The following CELF4 variants were observed in gnomAD, a reference collection of about 807,000 sequenced individuals.
The protein encoded by CELF4 is CUGBP Elav-like family member 4.
A neutral mutation model predicts 59.9 loss-of-function variants in CELF4; 18 were observed. The ratio of observed to expected loss-of-function variants is 0.30; its 90% CI spans 0.21 to 0.45. The LOEUF (loss-of-function observed/expected upper bound fraction) is 0.45, where lower values mean the gene tolerates loss of function less well. Among genes scored for constraint, CELF4 ranks in the 20% least tolerant of loss-of-function variants. The pLI is 1.00. For synonymous variants in CELF4, 261 were observed against 267.1 expected (o/e 0.98, Z 0.22); for missense variants, 456 against 689.0 (o/e 0.66, Z 3.79).
intron 2 of CELF4, among the ~76,000 whole-genome samples, chr18:37,444,650 A>ACACACACACACACG (rs1223382369): frequency 7.3e-6 from 1 of 136,502 alleles, no homozygotes; most frequent in African/African-American, 2.7e-5. Flanking sequence ...ACACACACAC[A>ACACACACACACACG]CACGCGAACG....
intron 1 of CELF4, among the ~76,000 whole-genome samples, chr18:37,558,412 G>C (rs2099985511): frequency 7.0e-6 from 1 of 142,940 alleles, no homozygotes; most frequent in East Asian, 2.1e-4. Context: ...CCCTGTCCTG[G>C]TACCTTTAAC....
chr18:37,423,064 G>GCGCGCACACA (rs1557422716), intron 2 of CELF4, among the ~76,000 whole-genome samples: 13 of 150,414 alleles, frequency 8.6e-5, no homozygotes, highest in African/African-American at 3.2e-4. Context: ...GCGCGCGCGC[G>GCGCGCACACA]CACACACACA....
chr18:37,396,515 A>G (rs642256), intron 2 of CELF4, among the ~76,000 whole-genome samples: 129,054 of 152,198 alleles, frequency 0.85, 54,775 homozygotes, highest in East Asian at 0.93. Flanking sequence ...CAGGGATAAA[A>G]GCTGATGAGG....
intron 3 of CELF4, among the ~76,000 whole-genome samples, chr18:37,317,329 G>C (rs2096902277): frequency 6.6e-6 from 1 of 152,260 alleles, no homozygotes; most frequent in East Asian, 1.9e-4. Flanking sequence ...GGAGGTTGCA[G>C]TGAGCCAAGA....
chr18:37,303,654 G>T (rs2096221314), intron 3 of CELF4, among the ~76,000 whole-genome samples: 1 of 152,140 alleles, frequency 6.6e-6, no homozygotes, highest in Non-Finnish European at 1.5e-5. Flanking sequence ...GTCACTGCTG[G>T]CTCTCCAGGT....
At chr18:37,565,166 C>G (rs2099987837) in intron 1 of CELF4, among the ~76,000 whole-genome samples, 190 bp downstream of exon 1, 1 of 152,134 alleles carries the variant, frequency 6.6e-6, no homozygotes, top group Non-Finnish European at 1.5e-5. Context: ...GCCCAAAACC[C>G]AGTCTTGCCC....
At chr18:37,329,063 G>A (rs2097436110) in intron 2 of CELF4, among the ~76,000 whole-genome samples, 1 of 152,128 alleles carries the variant, frequency 6.6e-6, no homozygotes, top group Admixed American at 6.5e-5. Context: ...AGACTTTACA[G>A]TTCATCTTTA....
chr18:37,377,960 T>C (rs2098990361), intron 2 of CELF4, among the ~76,000 whole-genome samples: 1 of 152,094 alleles, frequency 6.6e-6, no homozygotes, highest in Non-Finnish European at 1.5e-5. Flanking sequence ...TCTAAGGCAG[T>C]GGAAAGCAGA....
chr18:37,414,507 T>TC (rs1253278733), intron 2 of CELF4, among the ~76,000 whole-genome samples: 9 of 143,196 alleles, frequency 6.3e-5, no homozygotes, highest in Admixed American at 1.4e-4. Context: ...TCTTTTCTTT[T>TC]TTTTTTTTTT....
At chr18:37,366,079 G>A (rs1189461401) in intron 2 of CELF4, among the ~76,000 whole-genome samples, 6 of 152,102 alleles carry the variant, frequency 3.9e-5, no homozygotes, top group Non-Finnish European at 1.5e-5. Context: ...TCTTGAAAAG[G>A]CCATGATCTC....
At chr18:37,449,551 TC>T (rs1210359108) in intron 2 of CELF4, among the ~76,000 whole-genome samples, 1 of 152,064 alleles carries the variant, frequency 6.6e-6, no homozygotes, top group Non-Finnish European at 1.5e-5. Context: ...GTAAACAAAT[TC>T]CCTGCTCCTG....
At chr18:37,507,065 G>C (rs1333140569) in intron 1 of CELF4, among the ~76,000 whole-genome samples, 1 of 152,166 alleles carries the variant, frequency 6.6e-6, no homozygotes, top group Non-Finnish European at 1.5e-5. Context: ...GTGTCTCAGG[G>C]TGTGACCCAG....
intron 2 of CELF4, among the ~76,000 whole-genome samples, chr18:37,352,767 G>A (rs190342086): frequency 6.6e-6 from 1 of 152,128 alleles, no homozygotes; most frequent in Non-Finnish European, 1.5e-5. Flanking sequence ...GGAGGTGGAT[G>A]GGGAATTTAG....
chr18:37,455,983 T>A (rs917065872), intron 2 of CELF4, among the ~76,000 whole-genome samples: 3 of 152,198 alleles, frequency 2.0e-5, no homozygotes, highest in Admixed American at 2.0e-4. Context: ...TCTAGCAGCA[T>A]GAAATGCACT....
Position 37,438,877 on chromosome 18 carries a change from C to T in CELF4, c.369+46648G>A, listed in dbSNP as rs138816864. On this transcript the variant is annotated intron_variant, in intron 2 of 12. Transcript: ENST00000420428. Reference sequence around the variant, plus strand: ...CATTTTTTTTTCTTCAATTCTCTCCCCAAATTGAAAGGATTAGGTTAGGAT... The same window carrying T: ...CATTTTTTTTTCTTCAATTCTCTCCTCAAATTGAAAGGATTAGGTTAGGAT... 4.2e-4 allele frequency among the ~76,000 whole-genome samples: 64 copies of T among 152,246 alleles called. 1 individual carries two copies. The highest frequency in any genetic ancestry group is 1.2e-3 in the South Asian group (6 of 4,824).
intron 2 of CELF4, among the ~76,000 whole-genome samples, chr18:37,353,048 T>C (rs11874020): frequency 0.43 from 65,028 of 151,454 alleles, 15,666 homozygotes; most frequent in African/African-American, 0.67. Context: ...GGTGAAACCC[T>C]GTCTCTACTA....
intron 2 of CELF4, among the ~76,000 whole-genome samples, chr18:37,461,670 C>G (rs1468686723): frequency 2.6e-5 from 4 of 152,220 alleles, no homozygotes; most frequent in Non-Finnish European, 5.9e-5. Flanking sequence ...GCAGCCAGAG[C>G]TGTCCTGCTA....
intron 2 of CELF4, among the ~76,000 whole-genome samples, chr18:37,408,496 G>GAGA (rs869309994): frequency 5.5e-5 from 1 of 18,040 alleles, no homozygotes; most frequent in African/African-American, 7.4e-5. Flanking sequence ...TGGTGCCGGG[G>GAGA]GGGGGCGCGG....
At position 37,273,031 on chromosome 18, in the gene CELF4, T is replaced by C. The variant is rs2092057941; in HGVS notation, c.934A>G (p.Met312Val). Residue 312 changes from methionine to valine, a missense_variant, in exon 7 of 13, where the codon ATG becomes GTG. Coordinates refer to ENST00000420428, the MANE Select transcript of CELF4 (RefSeq NM_020180.4). The stretch of plus-strand genomic sequence containing the variant: ...GCCAGCTCACCTGAGGTTGGGGTCA[T>C]AGGTGCGGCCGCCAGGCCATTCATG... ...LNMNGLAAAP[M>V]TPTSGGSTPP... 1 of 1,610,920 alleles carries C rather than the reference T, an allele frequency of 6.2e-7. No individual in the cohort carries two copies. Among genetic ancestry groups the C allele is most frequent in the Non-Finnish European group, 8.5e-7 (1 of 1,179,214 alleles).
Sources: gnomAD v4.1 joint callset for allele counts (sites outside exome capture counted in the v4.1 genomes callset) on GRCh38, gnomAD v4.1.1 for gene constraint, MANE v1.5 for transcripts, NCBI Gene and HGNC (gene_info 2026-07-23, HGNC 2026-07-21) for gene names.